GALNT1: variants seen among roughly 807,000 people sequenced by gnomAD.
GALNT1 encodes GalNAc transferase 1.
Under a neutral mutation model 65.7 loss-of-function variants are expected in GALNT1, and 17 were observed. The ratio of observed to expected loss-of-function variants is 0.26; its 90% CI spans 0.18 to 0.39. GALNT1 has a LOEUF of 0.39. Ranked by LOEUF, GALNT1 falls within the 10% of genes least tolerant of loss-of-function variation. The probability of loss-of-function intolerance (pLI) is 1.00; values close to 1 mark genes in which losing one functional copy is unlikely to be tolerated. For synonymous variants in GALNT1, 210 were observed against 219.7 expected, an observed-to-expected ratio of 0.96 and a Z score of 0.39; for missense variants, 460 against 672.8, an observed-to-expected ratio of 0.68 and a Z score of 3.50.
chr18:35,683,912 C>G (rs1470290366), intron 5 of GALNT1, among the ~76,000 whole-genome samples: 1 of 152,190 alleles, frequency 6.6e-6, no homozygotes. Flanking sequence ...AGCATAAAAC[C>G]CTTCACTTGT....
chr18:35,658,446 T>G (rs1347951378), intron 2 of GALNT1, among the ~76,000 whole-genome samples: 2 of 152,004 alleles, frequency 1.3e-5, no homozygotes, highest in Non-Finnish European at 1.5e-5. Context: ...GAAGAAATGA[T>G]TAGGGGAAGA....
chr18:35,709,608 A>AT lies in GALNT1; in HGVS notation c.1534-10dup, dbSNP rs2048323570. On this transcript the variant is annotated splice_polypyrimidine_tract_variant and intron_variant, in intron 11 of 11. Transcript: ENST00000269195. Reference sequence around the variant, plus strand: ...TGTTTTCTTCCACTCTCATGTTAAGATTTTTTCTATTTCAGAAATTAACCC... The same window carrying AT: ...TGTTTTCTTCCACTCTCATGTTAAGATTTTTTTCTATTTCAGAAATTAACCC... 2 of 1,612,818 alleles carry AT rather than the reference A, an allele frequency of 1.2e-6. No homozygotes were observed. Among genetic ancestry groups the AT allele is most frequent in the Non-Finnish European group, 1.7e-6 (2 of 1,179,482 alleles).
At chr18:35,588,372 C>T (rs2143844908) in intron 1 of GALNT1, among the ~76,000 whole-genome samples, 1 of 152,160 alleles carries the variant, frequency 6.6e-6, no homozygotes, top group East Asian at 1.9e-4. Flanking sequence ...TTTTCTTCGT[C>T]TTTAGTTTTC....
intron 6 of GALNT1, among the ~76,000 whole-genome samples, chr18:35,688,360 C>T (rs999023134): frequency 3.9e-5 from 6 of 152,114 alleles, no homozygotes; most frequent in East Asian, 1.9e-4. Context: ...ATATAATCTT[C>T]GTGGTATCTT....
chr18:35,665,375 A>C (rs2047535212), intron 3 of GALNT1, among the ~76,000 whole-genome samples: 2 of 152,202 alleles, frequency 1.3e-5, no homozygotes, highest in Non-Finnish European at 2.9e-5. Context: ...TGAACATTGA[A>C]ATAACAATCA....
chr18:35,591,344 A>G (rs577295223), intron 1 of GALNT1, among the ~76,000 whole-genome samples: 24 of 152,354 alleles, frequency 1.6e-4, no homozygotes, highest in Admixed American at 2.6e-4. Context: ...ATGTGAATGT[A>G]GGCTATTGAT....
intron 1 of GALNT1, among the ~76,000 whole-genome samples, chr18:35,653,756 T>C (rs1428942602): frequency 6.6e-6 from 1 of 152,188 alleles, no homozygotes; most frequent in Admixed American, 6.5e-5. Context: ...ACCATTCCTC[T>C]AGTCATTTTC....
chr18:35,668,907 G>A (rs2047587645), intron 3 of GALNT1, among the ~76,000 whole-genome samples: 1 of 152,220 alleles, frequency 6.6e-6, no homozygotes, highest in African/African-American at 2.4e-5. Flanking sequence ...AGAAAAGAAA[G>A]TATAAGTTCT....
chr18:35,681,442 T>C (rs2047784466), intron 4 of GALNT1, among the ~76,000 whole-genome samples: 1 of 152,062 alleles, frequency 6.6e-6, no homozygotes, highest in Non-Finnish European at 1.5e-5. Flanking sequence ...CAAGAAAATT[T>C]GTGGAAGAGC....
chr18:35,599,841 C>G (rs1372128129), intron 1 of GALNT1, among the ~76,000 whole-genome samples: 1 of 152,084 alleles, frequency 6.6e-6, no homozygotes, highest in Non-Finnish European at 1.5e-5. Flanking sequence ...GCTGTAAATG[C>G]GTGGATTTCT....
chr18:35,659,202 T>G (rs1209543409), intron 2 of GALNT1, among the ~76,000 whole-genome samples: 4 of 152,230 alleles, frequency 2.6e-5, no homozygotes, highest in Admixed American at 6.5e-5. Flanking sequence ...TTTTACTGTC[T>G]CTGCTGTGAA....
At chr18:35,628,017 G>A (rs1598787902) in intron 1 of GALNT1, among the ~76,000 whole-genome samples, 1 of 152,180 alleles carries the variant, frequency 6.6e-6, no homozygotes, top group East Asian at 1.9e-4. Flanking sequence ...AGCGAGGCTG[G>A]GGGAGGGGCA....
chr18:35,627,762 G>C (rs2046937912), intron 1 of GALNT1, among the ~76,000 whole-genome samples: 1 of 152,234 alleles, frequency 6.6e-6, no homozygotes, highest in South Asian at 2.1e-4. Context: ...AGCTGAAGCA[G>C]GGCGAGGCAT....
At chr18:35,617,024 T>G (rs2046791566) in intron 1 of GALNT1, among the ~76,000 whole-genome samples, 1 of 152,138 alleles carries the variant, frequency 6.6e-6, no homozygotes, top group South Asian at 2.1e-4. Flanking sequence ...AACAAAACTT[T>G]ATGAGTAGTT....
chr18:35,586,136 G>T (rs2046375642), intron 1 of GALNT1, among the ~76,000 whole-genome samples: 2 of 152,174 alleles, frequency 1.3e-5, no homozygotes, highest in Non-Finnish European at 2.9e-5. Flanking sequence ...TCACCATTTA[G>T]CCATTCTGAT....
At chr18:35,688,040 A>G (rs1462389761) in intron 6 of GALNT1, among the ~76,000 whole-genome samples, 2 of 152,178 alleles carry the variant, frequency 1.3e-5, no homozygotes, top group African/African-American at 4.8e-5. Context: ...TTTAGCTGTT[A>G]GTGCAATTCA....
chr18:35,585,954 CAG>C (rs1598777583), intron 1 of GALNT1, among the ~76,000 whole-genome samples: 1 of 152,150 alleles, frequency 6.6e-6, no homozygotes, highest in Non-Finnish European at 1.5e-5. Context: ...TTTGTGTGAA[CAG>C]AGTCTTTATT....
rs3837905 is a variant in GALNT1 at position 35,697,229 on chromosome 18, TGAGA to T, written c.1299+4920_1299+4923del. On this transcript the variant is annotated intron_variant, in intron 9 of 11. Transcript: ENST00000269195. ...TCTCATTTAGAGCACTTAACAAACCTGAGAGAGAGAGAGATTTATCCCTGCTTTA... is the reference window on the plus strand; with the variant it reads ...TCTCATTTAGAGCACTTAACAAACCTGAGAGAGAGATTTATCCCTGCTTTA... Among the ~76,000 whole-genome samples the T allele has an allele frequency of 5.1e-3, 773 of 151,992 alleles. 7 individuals carry two copies. The highest frequency in any genetic ancestry group is 0.017 in the African/African-American group (694 of 41,458).
At chr18:35,671,378 G>A (rs185041419) in intron 3 of GALNT1, among the ~76,000 whole-genome samples, 36 of 152,136 alleles carry the variant, frequency 2.4e-4, no homozygotes, top group Admixed American at 1.9e-3. Flanking sequence ...CACTACACTC[G>A]GCTAATTTTT....
Sources: allele counts gnomAD v4.1 joint callset (sites outside exome capture counted in the v4.1 genomes callset), GRCh38; gene constraint gnomAD v4.1.1; transcripts MANE v1.5; gene names NCBI Gene and HGNC (gene_info 2026-07-23, HGNC 2026-07-21).